Variants in HMGCLL1 observed in about 807,000 individuals in gnomAD.
HMGCLL1 encodes the protein 3-hydroxy-3-methylglutaryl-CoA lyase like 1.
A neutral mutation model predicts 39.1 loss-of-function variants in HMGCLL1; 36 were observed. The observed-to-expected ratio is 0.92, with a 90% CI of 0.71 to 1.22. HMGCLL1 has a LOEUF of 1.22. HMGCLL1 is among the 50% of genes most tolerant of loss of function. The probability of loss-of-function intolerance (pLI) is 0.00; values close to 1 mark genes in which losing one functional copy is unlikely to be tolerated. For missense variants in HMGCLL1, 451 were observed against 416.5 expected, an observed-to-expected ratio of 1.08 and a Z score of -0.72; for synonymous variants, 149 against 144.0, an observed-to-expected ratio of 1.03 and a Z score of -0.25.
intron 8 of HMGCLL1, among the ~76,000 whole-genome samples, chr6:55,436,567 T>A (rs1238079685): frequency 6.6e-6 from 1 of 152,044 alleles, no homozygotes; most frequent in South Asian, 2.1e-4. Context: ...CTTGCCCTTA[T>A]GTGGCATTTC....
the HMGCLL1 span, among the ~76,000 whole-genome samples, chr6:55,632,018 A>C: frequency 6.6e-6 from 1 of 152,084 alleles, no homozygotes; most frequent in African/African-American, 2.4e-5. Context: ...GCAAAGTATT[A>C]AGGTTTTTTT....
At chr6:55,628,712 C>A in the HMGCLL1 span, among the ~76,000 whole-genome samples, 1 of 152,034 alleles carries the variant, frequency 6.6e-6, no homozygotes, top group Admixed American at 6.6e-5. Flanking sequence ...TGGGAGGAAC[C>A]CAGTGGGAGG....
chr6:55,631,146 A>G, the HMGCLL1 span, among the ~76,000 whole-genome samples: 1 of 152,042 alleles, frequency 6.6e-6, no homozygotes, highest in Non-Finnish European at 1.5e-5. Context: ...TCTAATATTA[A>G]TAGCTCTAAG....
chr6:55,580,406 C>CTTTT (rs145371462), upstream of HMGCLL1, among the ~76,000 whole-genome samples: 380 of 73,272 alleles, frequency 5.2e-3, 33 homozygotes, highest in Non-Finnish European at 6.2e-3. Context: ...TTTTTTCTTT[C>CTTTT]TTTTTTTTTT....
intron 8 of HMGCLL1, among the ~76,000 whole-genome samples, chr6:55,436,150 GA>G (rs1236718287): frequency 4.0e-5 from 6 of 150,768 alleles, no homozygotes; most frequent in Admixed American, 1.3e-4. Flanking sequence ...AACTGACTTA[GA>G]AAAAAAACTA....
At chr6:55,479,968 C>A (rs1561907425) in intron 7 of HMGCLL1, among the ~76,000 whole-genome samples, 1 of 151,416 alleles carries the variant, frequency 6.6e-6, no homozygotes, top group East Asian at 1.9e-4. Context: ...TTTTTTCCTT[C>A]AAAAATTTAA....
intron 3 of HMGCLL1, among the ~76,000 whole-genome samples, chr6:55,536,579 C>T (rs1253194488): frequency 6.6e-6 from 1 of 152,168 alleles, no homozygotes; most frequent in Non-Finnish European, 1.5e-5. Flanking sequence ...TTTCTTTCTG[C>T]TGCTATTGTT....
chr6:55,521,376 T>G (rs1269703627), intron 3 of HMGCLL1, among the ~76,000 whole-genome samples: 1 of 152,100 alleles, frequency 6.6e-6, no homozygotes, highest in Non-Finnish European at 1.5e-5. Context: ...AGACCTAGCT[T>G]TATTCAGCTG....
At chr6:55,628,649 A>T in the HMGCLL1 span, among the ~76,000 whole-genome samples, 1 of 151,990 alleles carries the variant, frequency 6.6e-6, no homozygotes. Context: ...TTGGAGCCTG[A>T]TATCATTTGG....
intron 1 of HMGCLL1, among the ~76,000 whole-genome samples, chr6:55,575,867 T>A (rs1034013514): frequency 2.6e-5 from 4 of 152,218 alleles, no homozygotes; most frequent in Admixed American, 6.5e-5. Context: ...CAAATATTTA[T>A]CATGATGCTA....
At chr6:55,558,765 C>A (rs2127469292) in intron 1 of HMGCLL1, among the ~76,000 whole-genome samples, 1 of 152,288 alleles carries the variant, frequency 6.6e-6, no homozygotes, top group African/African-American at 2.4e-5. Context: ...GAAAAAGGAA[C>A]TTTGCTTTCA....
chr6:55,620,712 T>C, the HMGCLL1 span, among the ~76,000 whole-genome samples: 1 of 152,094 alleles, frequency 6.6e-6, no homozygotes, highest in African/African-American at 2.4e-5. Flanking sequence ...TTCTCCAATG[T>C]TTTCTTTTAG....
chr6:55,505,018 G>T (rs1185671646), intron 5 of HMGCLL1, among the ~76,000 whole-genome samples: 1 of 151,566 alleles, frequency 6.6e-6, no homozygotes, highest in Non-Finnish European at 1.5e-5. Context: ...AAAAAACACA[G>T]CATTACAGTA....
At chr6:55,628,880 A>G in the HMGCLL1 span, among the ~76,000 whole-genome samples, 1 of 152,122 alleles carries the variant, frequency 6.6e-6, no homozygotes, top group African/African-American at 2.4e-5. Flanking sequence ...TTTGTCTTTC[A>G]CCATGATTGT....
chr6:55,492,190 C>G (rs1007911237), intron 7 of HMGCLL1, among the ~76,000 whole-genome samples: 1 of 152,186 alleles, frequency 6.6e-6, no homozygotes, highest in Non-Finnish European at 1.5e-5. Context: ...TTACTAGAAG[C>G]CACTTCAAAG....
chr6:55,532,913 G>A (rs1054268561), intron 3 of HMGCLL1, among the ~76,000 whole-genome samples: 14 of 150,564 alleles, frequency 9.3e-5, no homozygotes, highest in Non-Finnish European at 1.9e-4. Flanking sequence ...TTTTGAGCGA[G>A]ACAAAGAGTG....
At chr6:55,663,069 C>G in the HMGCLL1 span, among the ~76,000 whole-genome samples, 19 of 151,080 alleles carry the variant, frequency 1.3e-4, no homozygotes, top group African/African-American at 4.6e-4. Flanking sequence ...TTTGCCTCTT[C>G]CCTGTTTTCT....
At chr6:55,595,568 TG>T in the HMGCLL1 span, among the ~76,000 whole-genome samples, 11 of 152,208 alleles carry the variant, frequency 7.2e-5, no homozygotes, top group Non-Finnish European at 1.5e-4. Context: ...CTGACTTTAT[TG>T]TGAATGCTAC....
At chr6:55,588,261 C>T in the HMGCLL1 span, among the ~76,000 whole-genome samples, 2 of 151,922 alleles carry the variant, frequency 1.3e-5, no homozygotes, top group Non-Finnish European at 2.9e-5. Context: ...CACTCAAAAC[C>T]ACTCAAATAC....
Sources: gnomAD v4.1 joint callset for allele counts (sites outside exome capture counted in the v4.1 genomes callset) on GRCh38, gnomAD v4.1.1 for gene constraint, MANE v1.5 for transcripts, NCBI Gene and HGNC (gene_info 2026-07-23, HGNC 2026-07-21) for gene names.